CAMK1D: variants seen among roughly 807,000 people sequenced by gnomAD.
CAMK1D encodes the protein calcium/calmodulin-dependent protein kinase type 1D.
A neutral mutation model predicts 47.7 loss-of-function variants in CAMK1D; 9 were observed. The ratio of observed to expected loss-of-function variants is 0.19; its 90% CI spans 0.11 to 0.33. CAMK1D has a LOEUF of 0.33. Ranked by LOEUF, CAMK1D falls within the 10% of genes least tolerant of loss-of-function variation. The pLI is 1.00. For synonymous variants in CAMK1D, 184 were observed against 184.9 expected (o/e 0.99, Z 0.04); for missense variants, 291 against 488.7 (o/e 0.60, Z 3.81).
chr10:12,496,453 C>G (rs1324189040), intron 1 of CAMK1D, among the ~76,000 whole-genome samples: 1 of 152,104 alleles, frequency 6.6e-6, no homozygotes, highest in African/African-American at 2.4e-5. Flanking sequence ...GGGGCCTCCA[C>G]ATGTCAGACA....
intron 2 of CAMK1D, among the ~76,000 whole-genome samples, chr10:12,641,504 C>G (rs1839664646): frequency 6.6e-6 from 1 of 151,228 alleles, no homozygotes. Context: ...CACCTGTAGT[C>G]CTGGTTGGAA....
intron 2 of CAMK1D, among the ~76,000 whole-genome samples, chr10:12,624,564 C>T (rs558230426): frequency 6.6e-6 from 1 of 152,140 alleles, no homozygotes; most frequent in African/African-American, 2.4e-5. Context: ...CATGTTGTCA[C>T]CCTGCAGAAT....
rs1294645030 is a variant in CAMK1D at position 12,349,657 on chromosome 10, C to CGCG, written c.-149_-147dup. On this transcript the variant is annotated 5_prime_UTR_variant, in exon 1 of 11. Transcript: ENST00000619168. ...ATAAGAGCCAGGGAGGGACCGCGGC[C>CGCG]GCGGCGGCGGCGGCGAGAGCGAAAG... 125 of 159,274 alleles carry CGCG rather than the reference C, an allele frequency of 7.8e-4. No homozygotes were observed. Among genetic ancestry groups the CGCG allele is most frequent in the Admixed American group, 2.3e-3 (35 of 15,338 alleles). The allele number at this position is 159,274 out of a possible 1,614,324, so 9.9% of individuals were successfully genotyped here.
At chr10:12,659,156 C>T (rs1392587160) in intron 2 of CAMK1D, among the ~76,000 whole-genome samples, 1 of 152,204 alleles carries the variant, frequency 6.6e-6, no homozygotes, top group African/African-American at 2.4e-5. Context: ...GTCCCCCTGT[C>T]GCACACCCTG....
chr10:12,598,679 G>A (rs1458120886), intron 2 of CAMK1D, among the ~76,000 whole-genome samples: 2 of 152,194 alleles, frequency 1.3e-5, no homozygotes, highest in African/African-American at 2.4e-5. Context: ...TCTGAAGGGA[G>A]GAAAAGGGCT....
At chr10:12,739,834 G>C (rs1438703201) in intron 3 of CAMK1D, among the ~76,000 whole-genome samples, 4 of 152,056 alleles carry the variant, frequency 2.6e-5, no homozygotes, top group East Asian at 3.9e-4. Flanking sequence ...CCGACCCATC[G>C]AATCATTTTT....
At chr10:12,635,579 G>A (rs7917530) in intron 2 of CAMK1D, among the ~76,000 whole-genome samples, 1 of 152,120 alleles carries the variant, frequency 6.6e-6, no homozygotes, top group African/African-American at 2.4e-5. Flanking sequence ...CATCTTGCTG[G>A]GGGGGAAGAG....
At chr10:12,611,521 A>G (rs1312863064) in intron 2 of CAMK1D, among the ~76,000 whole-genome samples, 1 of 149,022 alleles carries the variant, frequency 6.7e-6, no homozygotes, top group Non-Finnish European at 1.5e-5. Flanking sequence ...GCTGTGTGGT[A>G]CCTGCCTGCC....
chr10:12,583,726 C>T (rs1357114511), intron 2 of CAMK1D, among the ~76,000 whole-genome samples: 3 of 151,888 alleles, frequency 2.0e-5, no homozygotes, highest in East Asian at 1.9e-4. Flanking sequence ...CTCAGCCTCC[C>T]GAGTAGCTGG....
At chr10:12,628,253 G>A (rs1001022071) in intron 2 of CAMK1D, among the ~76,000 whole-genome samples, 3 of 152,172 alleles carry the variant, frequency 2.0e-5, no homozygotes, top group Admixed American at 1.3e-4. Flanking sequence ...GCACATATGT[G>A]TTTAACTGTT....
At chr10:12,570,028 C>T (rs144314963) in intron 2 of CAMK1D, among the ~76,000 whole-genome samples, 2 of 152,060 alleles carry the variant, frequency 1.3e-5, no homozygotes, top group African/African-American at 4.8e-5. Flanking sequence ...GGTGAAACCG[C>T]ATCTCAACTA....
In CAMK1D at chr10:12,374,938, G is replaced by A. The variant is rs751553380; in HGVS notation, c.92+25028G>A. 2.6e-3 allele frequency among the ~76,000 whole-genome samples: 215 copies of A among 83,374 alleles called. 1 individual carries two copies. The highest frequency in any genetic ancestry group is 4.2e-3 in the Non-Finnish European group (179 of 42,370). The allele number at this position is 83,374 out of a possible 152,430, so 54.7% of individuals were successfully genotyped here. A position where few individuals can be genotyped will look rare whatever the true frequency, so the allele number is the denominator to read the frequency against. On this transcript the variant is annotated intron_variant, in intron 1 of 10. Transcript: ENST00000619168. ...AGCCTGGGTGACAGGGTAAGACTCC[G>A]TCTCAAAAAAAAAAAAAAAAAAAAA...
At chr10:12,394,262 C>T (rs1012035800) in intron 1 of CAMK1D, among the ~76,000 whole-genome samples, 2 of 152,084 alleles carry the variant, frequency 1.3e-5, no homozygotes, top group East Asian at 1.9e-4. Flanking sequence ...CCGTCCTCTC[C>T]GGGTGCCCCA....
At chr10:12,415,374 C>T (rs1028129483) in intron 1 of CAMK1D, among the ~76,000 whole-genome samples, 5 of 151,640 alleles carry the variant, frequency 3.3e-5, no homozygotes, top group African/African-American at 4.8e-5. Context: ...CTGCAACCTC[C>T]GCCTCCCAGG....
chr10:12,547,682 TCA>T (rs1554786375), intron 1 of CAMK1D, among the ~76,000 whole-genome samples: 20 of 116,486 alleles, frequency 1.7e-4, no homozygotes, highest in African/African-American at 5.2e-4. Flanking sequence ...TTTCTCTCTC[TCA>T]CACACACACA....
rs114491605 is a variant in CAMK1D, at chr10:12,785,288, T to G, written c.566-5870T>G. Among the ~76,000 whole-genome samples, 807 of 152,274 alleles carry G rather than the reference T, an allele frequency of 5.3e-3. 9 individuals are homozygous for G. The highest frequency in any genetic ancestry group is 0.018 in the African/African-American group (737 of 41,564). ...TTCTGTTGTGTCTGGGCCAGGAGAA[T>G]AGGCCCTTTCCTGCTTTGTCTGGAG... On this transcript the variant is annotated intron_variant, in intron 5 of 10. Transcript: ENST00000619168.
intron 8 of CAMK1D, among the ~76,000 whole-genome samples, chr10:12,817,676 T>C (rs956094224): frequency 4.6e-5 from 7 of 152,176 alleles, no homozygotes; most frequent in African/African-American, 1.7e-4. Context: ...AATGCTTAGT[T>C]AATTGTAGCT....
chr10:12,652,356 C>T (rs1489133219), intron 2 of CAMK1D, among the ~76,000 whole-genome samples: 4 of 147,754 alleles, frequency 2.7e-5, no homozygotes, highest in Admixed American at 6.9e-5. Context: ...CAGAGATGGG[C>T]GGATCACAAG....
chr10:12,550,007 C>T (rs1279543749), intron 1 of CAMK1D, among the ~76,000 whole-genome samples: 5 of 152,164 alleles, frequency 3.3e-5, no homozygotes, highest in Non-Finnish European at 4.4e-5. Flanking sequence ...CTGCGTTGGC[C>T]GTGGTCATTT....
Sources: gnomAD v4.1 joint callset for allele counts (sites outside exome capture counted in the v4.1 genomes callset) on GRCh38, gnomAD v4.1.1 for gene constraint, MANE v1.5 for transcripts, NCBI Gene and HGNC (gene_info 2026-07-23, HGNC 2026-07-21) for gene names.